TAPBPL: variants seen among roughly 807,000 people sequenced by gnomAD.
TAPBPL encodes tapasin-related protein.
Under a neutral mutation model 44.8 loss-of-function variants are expected in TAPBPL, and 32 were observed. The observed-to-expected ratio is 0.71, with a 90% CI of 0.54 to 0.96. TAPBPL has a LOEUF of 0.96. Among genes scored for constraint, TAPBPL ranks in the 40% least tolerant of loss-of-function variants. TAPBPL has a pLI of 0.00. For synonymous variants in TAPBPL, 230 were observed against 240.7 expected (o/e 0.96, Z 0.41); for missense variants, 520 against 586.6 (o/e 0.89, Z 1.17).
At position 6,453,764 on chromosome 12, in the gene TAPBPL, T is replaced by C. The variant is rs1271883434; in HGVS notation, c.565+48T>C. 1 of 1,516,610 alleles carries C rather than the reference T, an allele frequency of 6.6e-7. No individual in the cohort carries two copies. Among genetic ancestry groups the C allele is most frequent in the Non-Finnish European group, 8.8e-7 (1 of 1,137,184 alleles). 93.9% of individuals were successfully genotyped at this position (1,516,610 alleles called of 1,614,324 possible). ...CAGGTGTGGTGGCTCACGCCTGTAA[T>C]TCCAGAATTTTGGGATACCGAGGTC... On this transcript the variant is annotated intron_variant, in intron 3 of 6. Coordinates refer to ENST00000266556, the MANE Select transcript of TAPBPL (RefSeq NM_018009.5). The surrounding 1 kb of genome is among the most constrained non-coding windows in gnomAD (Gnocchi z 4.8).
downstream of TAPBPL, among the ~76,000 whole-genome samples, chr12:6,471,431 C>T (rs999709644): frequency 6.6e-6 from 1 of 152,092 alleles, no homozygotes; most frequent in African/African-American, 2.4e-5. The surrounding 1 kb of genome is among the most constrained non-coding windows in gnomAD (Gnocchi z 4.0). Context: ...GTTGATTTTT[C>T]CTTCTTGGCA....
chr12:6,465,430 ATGTATATATATGTATATATACATATG>A (rs1565526332), downstream of TAPBPL: 7 of 122,014 alleles, frequency 5.7e-5, no homozygotes, highest in African/African-American at 2.2e-4. Context: ...ATATATATAA[ATGTATATATATGTATATATACATATG>A]TGTATATATA....
chr12:6,470,646 T>TCGCGCCGACC, downstream of TAPBPL: 2 of 1,405,764 alleles, frequency 1.4e-6, no homozygotes, highest in Non-Finnish European at 9.9e-7. Context: ...TCGCGCCGAC[T>TCGCGCCGACC]ACCCCGCGGT....
At chr12:6,469,928 G>A (rs1047332555), downstream of TAPBPL, among the ~76,000 whole-genome samples, 1 of 152,148 alleles carries the variant, frequency 6.6e-6, no homozygotes, top group Non-Finnish European at 1.5e-5. Context: ...ATGAACAGCC[G>A]CTTGGGATGA....
At chr12:6,463,351 G>T, downstream of TAPBPL, 1 of 1,134,324 alleles carries the variant, frequency 8.8e-7, no homozygotes, top group Non-Finnish European at 1.1e-6. The surrounding 1 kb of genome is among the most constrained non-coding windows in gnomAD (Gnocchi z 4.0). Context: ...GGGTCTACAT[G>T]ACTTCTCTGC....
intron 4 of TAPBPL, 111 bp from the exon 5 acceptor site, chr12:6,458,534 C>A: frequency 7.5e-7 from 1 of 1,329,010 alleles, no homozygotes. Context: ...CACCAAGGGA[C>A]ACTGTAGCCT....
chr12:6,463,268 C>T, downstream of TAPBPL: 1 of 1,346,068 alleles, frequency 7.4e-7, no homozygotes, highest in East Asian at 3.0e-5. The surrounding 1 kb of genome is among the most constrained non-coding windows in gnomAD (Gnocchi z 4.0). Context: ...AAGGAGAGGG[C>T]CCCATGACAG....
intron 1 of TAPBPL, 169 bp downstream of exon 1, chr12:6,452,481 T>G: frequency 1.4e-6 from 2 of 1,431,218 alleles, no homozygotes; most frequent in Non-Finnish European, 1.8e-6. Flanking sequence ...ACCAATAGTG[T>G]GTGTGGAGGG....
downstream of TAPBPL, chr12:6,464,843 G>C (rs1372420956): frequency 1.2e-6 from 2 of 1,613,062 alleles, no homozygotes; most frequent in Non-Finnish European, 8.5e-7. Context: ...GAAGACTCCA[G>C]GACCTTCCCA....
chr12:6,466,408 C>A, downstream of TAPBPL: 1 of 1,563,474 alleles, frequency 6.4e-7, no homozygotes, highest in Non-Finnish European at 8.7e-7. Flanking sequence ...AGGAGCTGGG[C>A]GTGGTAGCAC....
downstream of TAPBPL, chr12:6,463,360 G>A: frequency 2.7e-6 from 3 of 1,102,340 alleles, no homozygotes; most frequent in Non-Finnish European, 3.3e-6. This position sits in a 1 kb window ranked among gnomAD's most constrained non-coding sequence, Gnocchi z 4.0. Context: ...TGACTTCTCT[G>A]CATCCTGAGG....
downstream of TAPBPL, chr12:6,466,386 C>T (rs917714526): frequency 6.3e-7 from 1 of 1,588,986 alleles, no homozygotes; most frequent in South Asian, 1.1e-5. Context: ...CACAAAGTGA[C>T]CAAGACAAGA....
At chr12:6,458,979 C>CA in intron 5 of TAPBPL, 32 bp downstream of exon 5, 1 of 1,599,064 alleles carries the variant, frequency 6.3e-7, no homozygotes, top group Non-Finnish European at 8.5e-7. Flanking sequence ...TCCCCACCTC[C>CA]ACACTAGGGC....
chr12:6,452,582 T>G (rs1240121115), intron 1 of TAPBPL: 11 of 1,353,250 alleles, frequency 8.1e-6, no homozygotes, highest in Non-Finnish European at 1.0e-5. Flanking sequence ...GGCACTGGCC[T>G]GGGAGCTGAC....
intron 6 of TAPBPL, 84 bp from the exon 7 acceptor site, chr12:6,461,950 G>A: frequency 9.1e-7 from 1 of 1,104,826 alleles, no homozygotes; most frequent in Non-Finnish European, 1.3e-6. Context: ...ACAGGAGGCA[G>A]ATGGAAGAGG....
Position 6,458,626 on chromosome 12 carries a change from T to C in TAPBPL, c.905-19T>C. 1.2e-6 allele frequency: 2 copies of C among 1,611,388 alleles called. No homozygotes were observed. The highest frequency in any genetic ancestry group is 1.7e-5 in the Admixed American group (1 of 59,962). The stretch of plus-strand genomic sequence containing the variant: ...CCAGTTAGATCCATGTGTAATCTTA[T>C]TCCTCATTCTTTCTCCAGCTTCCCC... On this transcript the variant is annotated intron_variant, in intron 4 of 6. Coordinates refer to ENST00000266556, the MANE Select transcript of TAPBPL (RefSeq NM_018009.5).
At chr12:6,455,056 C>G (rs1949667095) in intron 3 of TAPBPL, among the ~76,000 whole-genome samples, 1 of 152,132 alleles carries the variant, frequency 6.6e-6, no homozygotes, top group Non-Finnish European at 1.5e-5. Flanking sequence ...AGGTATTTCT[C>G]TCTTTTTATT....
chr12:6,466,254 G>A (rs1950021534), downstream of TAPBPL: 3 of 1,614,098 alleles, frequency 1.9e-6, no homozygotes, highest in South Asian at 1.1e-5. Context: ...GTTTGCTGTA[G>A]TCGTCTGTTA....
chr12:6,453,217 A>T lies in TAPBPL; in HGVS notation c.215A>T (p.Asp72Val), dbSNP rs1949609236. ...CTGAAGCAGGTGCCAGTGCTGGACG[A>T]TGGCTCCCTGGAGGACTTCACCGAT... is the stretch of plus-strand genomic sequence containing the variant. The part of the protein sequence containing the change: ...LVLKQVPVLD[D>V]GSLEDFTDFQ... Residue 72 changes from aspartate to valine, a missense_variant, in exon 2 of 7, where the codon GAT (aspartate) becomes GTT (valine). Asp to Val is a radical substitution (Grantham distance 152, BLOSUM62 -3). Coordinates refer to ENST00000266556, the MANE Select transcript of TAPBPL (RefSeq NM_018009.5). This position sits in a 1 kb window ranked among gnomAD's most constrained non-coding sequence, Gnocchi z 4.8. 1 of 1,613,696 alleles carries T rather than the reference A, an allele frequency of 6.2e-7. No individual in the cohort carries two copies. The highest frequency in any genetic ancestry group is 8.5e-7 in the Non-Finnish European group (1 of 1,179,910).
Sources: gnomAD v4.1 joint callset for allele counts (sites outside exome capture counted in the v4.1 genomes callset) on GRCh38, gnomAD v4.1.1 for gene constraint, Gnocchi (gnomAD v3.1) non-coding constraint, MANE v1.5 for transcripts, NCBI Gene and HGNC (gene_info 2026-07-23, HGNC 2026-07-21) for gene names.